The following ARHGEF7 variants were observed in gnomAD, a reference collection of about 807,000 sequenced individuals.
The protein encoded by ARHGEF7 is Rho guanine nucleotide exchange factor 7.
Under a neutral mutation model 109.8 loss-of-function variants are expected in ARHGEF7, and 33 were observed. The ratio of observed to expected loss-of-function variants is 0.30; its 90% CI spans 0.23 to 0.40. The LOEUF (loss-of-function observed/expected upper bound fraction) is 0.40, where lower values mean the gene tolerates loss of function less well. Ranked by LOEUF, ARHGEF7 falls within the 10% of genes least tolerant of loss-of-function variation. ARHGEF7 has a pLI of 1.00. For synonymous variants in ARHGEF7, 458 were observed against 424.6 expected, an observed-to-expected ratio of 1.08 and a Z score of -0.97; for missense variants, 938 against 1,098.5, an observed-to-expected ratio of 0.85 and a Z score of 2.07.
Position 111,213,571 on chromosome 13 carries a change from A to AT in ARHGEF7, c.468+3577dup, listed in dbSNP as rs558980807. On this transcript the variant is annotated intron_variant, in intron 4 of 21. Coordinates refer to ENST00000646102, the MANE Select transcript of ARHGEF7 (RefSeq NM_001354046.2). ...GAAGATGAGTTTTATCCATTTTTGT[A>AT]TTTTTTTTAGCAATGGGATTCTGTG... Among the ~76,000 whole-genome samples, 19 of 151,708 alleles carry AT rather than the reference A, an allele frequency of 1.3e-4. No homozygotes were observed. The South Asian group carries it at 1.7e-3, about 13-fold the overall frequency.
intron 1 of ARHGEF7, among the ~76,000 whole-genome samples, chr13:111,120,552 T>TG (rs2067133599): frequency 1.3e-5 from 2 of 150,136 alleles, no homozygotes; most frequent in African/African-American, 4.9e-5. Flanking sequence ...GTTGAGGGAG[T>TG]GGGGGAAGGA....
intron 2 of ARHGEF7, among the ~76,000 whole-genome samples, chr13:111,160,402 T>C (rs2076653943): frequency 1.3e-5 from 2 of 152,092 alleles, no homozygotes; most frequent in African/African-American, 2.4e-5. Context: ...AATACCATTG[T>C]AAATTTGGTA....
intron 19 of ARHGEF7, among the ~76,000 whole-genome samples, chr13:111,298,038 C>T (rs568601273): frequency 1.5e-4 from 23 of 152,346 alleles, no homozygotes; most frequent in African/African-American, 5.1e-4. Flanking sequence ...CATCAACTGT[C>T]TGGGCTCAAA....
chr13:111,161,468 G>T (rs1440833987), intron 2 of ARHGEF7, among the ~76,000 whole-genome samples: 1 of 152,208 alleles, frequency 6.6e-6, no homozygotes, highest in Non-Finnish European at 1.5e-5. Flanking sequence ...CTTGCCCTTT[G>T]TGTCTGTCGT....
At position 111,305,665 on chromosome 13, in the gene ARHGEF7, A is replaced by C. The variant is rs1419673281; in HGVS notation, c.*2552A>C. Reference sequence around the variant, plus strand: ...ATTTAAATGTCACAGACAATGTCCTAGTGTTGACTACTACAATGTTGATGC... The same window carrying C: ...ATTTAAATGTCACAGACAATGTCCTCGTGTTGACTACTACAATGTTGATGC... On this transcript the variant is annotated 3_prime_UTR_variant, in exon 22 of 22. Transcript: ENST00000646102. 6.6e-6 allele frequency: 1 copy of C among 152,246 alleles called. No individual in the cohort carries two copies. The highest frequency in any genetic ancestry group is 1.5e-5 in the Non-Finnish European group (1 of 68,046). The allele number at this position is 152,246 out of a possible 1,614,324, so 9.4% of individuals were successfully genotyped here.
At chr13:111,243,583 C>G (rs564431924) in intron 6 of ARHGEF7, among the ~76,000 whole-genome samples, 1 of 152,294 alleles carries the variant, frequency 6.6e-6, no homozygotes, top group East Asian at 1.9e-4. Flanking sequence ...GGCGGCTTCT[C>G]CTTTTTATCT....
At chr13:111,292,848 G>GT in intron 19 of ARHGEF7, 1 of 991,734 alleles carries the variant, frequency 1.0e-6, no homozygotes, top group Non-Finnish European at 1.2e-6. Flanking sequence ...CAACGGCTGT[G>GT]TTCTGGTAAT....
chr13:111,159,263 A>G (rs1418817637), intron 2 of ARHGEF7, among the ~76,000 whole-genome samples: 1 of 151,942 alleles, frequency 6.6e-6, no homozygotes, highest in Non-Finnish European at 1.5e-5. Context: ...TATATCCCAC[A>G]TTTTCTTTAT....
chr13:111,254,167 G>GT (rs2090132587), intron 8 of ARHGEF7, among the ~76,000 whole-genome samples: 1 of 152,188 alleles, frequency 6.6e-6, no homozygotes, highest in Admixed American at 6.5e-5. Flanking sequence ...TACATTTTCT[G>GT]TAAGATGATA....
intron 1 of ARHGEF7, among the ~76,000 whole-genome samples, chr13:111,151,745 A>T (rs563785497): frequency 6.6e-6 from 1 of 152,366 alleles, no homozygotes; most frequent in South Asian, 2.1e-4. Flanking sequence ...TCTTGCGCTT[A>T]GGGACATTAG....
chr13:111,232,953 T>C (rs111875354), intron 5 of ARHGEF7, among the ~76,000 whole-genome samples: 123 of 152,336 alleles, frequency 8.1e-4, no homozygotes, highest in African/African-American at 2.9e-3. Context: ...AGCAGTCTCT[T>C]AGACGCCTTC....
chr13:111,132,191 T>C (rs1428600082), intron 1 of ARHGEF7, among the ~76,000 whole-genome samples: 1 of 152,242 alleles, frequency 6.6e-6, no homozygotes, highest in Non-Finnish European at 1.5e-5. Flanking sequence ...TATTTTTTCT[T>C]TCCTTTCCCA....
intron 1 of ARHGEF7, among the ~76,000 whole-genome samples, chr13:111,134,614 T>A (rs1227165490): frequency 1.6e-4 from 25 of 152,372 alleles, no homozygotes; most frequent in African/African-American, 6.0e-4. Flanking sequence ...TCTGTTCATA[T>A]CCTTCACCCA....
intron 6 of ARHGEF7, among the ~76,000 whole-genome samples, chr13:111,234,247 G>A (rs867524017): frequency 6.6e-6 from 1 of 152,108 alleles, no homozygotes; most frequent in Admixed American, 6.5e-5. Flanking sequence ...GTTGGGAAAC[G>A]GTGAAAAGGT....
intron 1 of ARHGEF7, among the ~76,000 whole-genome samples, chr13:111,133,251 A>G (rs989872025): frequency 6.6e-6 from 1 of 152,092 alleles, no homozygotes; most frequent in African/African-American, 2.4e-5. Flanking sequence ...ATATGCGCAT[A>G]TATACATACA....
intron 1 of ARHGEF7, among the ~76,000 whole-genome samples, chr13:111,139,550 G>A (rs1459792945): frequency 2.0e-5 from 3 of 149,946 alleles, no homozygotes; most frequent in African/African-American, 4.9e-5. Context: ...GGGTGCCTGC[G>A]TGGAGCACTG....
chr13:111,269,266 G>A (rs907232230), intron 9 of ARHGEF7, among the ~76,000 whole-genome samples: 3 of 152,246 alleles, frequency 2.0e-5, no homozygotes, highest in African/African-American at 7.2e-5. Context: ...AAAGCGCAAT[G>A]CAAGTGTTAA....
At chr13:111,249,212 T>C (rs2089388451) in intron 8 of ARHGEF7, among the ~76,000 whole-genome samples, 1 of 152,118 alleles carries the variant, frequency 6.6e-6, no homozygotes, top group African/African-American at 2.4e-5. Context: ...CATAACAAAG[T>C]TGGCTGCCAT....
At chr13:111,199,557 C>G (rs1399832957) in intron 2 of ARHGEF7, among the ~76,000 whole-genome samples, 1 of 152,146 alleles carries the variant, frequency 6.6e-6, no homozygotes. Flanking sequence ...GGTGACCAGC[C>G]GAGCCCCATC....
Sources: allele counts gnomAD v4.1 joint callset (sites outside exome capture counted in the v4.1 genomes callset), GRCh38; gene constraint gnomAD v4.1.1; transcripts MANE v1.5; gene names NCBI Gene and HGNC (gene_info 2026-07-23, HGNC 2026-07-21).